Variants in ARMC8 observed in about 807,000 individuals in gnomAD.
ARMC8 encodes the protein armadillo repeat containing 8.
ARMC8 carries 20 observed loss-of-function variants against 99.3 expected under a neutral mutation model. The observed-to-expected ratio is 0.20, with a 90% confidence interval of 0.14 to 0.29. The LOEUF is 0.29. Ranked by LOEUF, ARMC8 falls within the 10% of genes least tolerant of loss-of-function variation. The pLI is 1.00. For synonymous variants in ARMC8, 263 were observed against 278.3 expected, an observed-to-expected ratio of 0.95 and a Z score of 0.55; for missense variants, 569 against 809.5, an observed-to-expected ratio of 0.70 and a Z score of 3.60.
intron 16 of ARMC8, among the ~76,000 whole-genome samples, chr3:138,271,798 C>CTTTTTTTTTTT (rs776320900): frequency 2.2e-5 from 3 of 136,136 alleles, no homozygotes; most frequent in African/African-American, 8.5e-5. Context: ...TTTTTTCTTT[C>CTTTTTTTTTTT]TTTTTTTTTT....
At position 138,266,489 on chromosome 3, in the gene ARMC8, A is replaced by G. The variant is rs151283545; in HGVS notation, c.1300-666A>G. Among the ~76,000 whole-genome samples, 5 of 152,262 alleles carry G rather than the reference A, an allele frequency of 3.3e-5. No homozygotes were observed. In the East Asian group the frequency reaches 7.7e-4, roughly 24 times the overall value. ...GTTGTTGAGCCCAAATTTGTATCCA[A>G]GTAGTCTTATGTTTTTCATTTCCCT... On this transcript the variant is annotated intron_variant, in intron 14 of 21. Transcript: ENST00000469044.
chr3:138,188,378 G>GT (rs372071706), intron 1 of ARMC8: 169,614 of 953,886 alleles, frequency 0.18, no homozygotes, highest in Non-Finnish European at 0.19. Context: ...AGTAAAACCT[G>GT]TTTTTTTTTT....
chr3:138,211,849 T>C (rs866740010), intron 2 of ARMC8, among the ~76,000 whole-genome samples: 2 of 152,132 alleles, frequency 1.3e-5, no homozygotes, highest in Non-Finnish European at 2.9e-5. Context: ...GTCTGATACG[T>C]TGTGGATCAG....
intron 19 of ARMC8, among the ~76,000 whole-genome samples, chr3:138,288,781 G>A (rs1391493353): frequency 5.3e-5 from 8 of 151,618 alleles, no homozygotes; most frequent in Non-Finnish European, 1.2e-4. Flanking sequence ...GAGATTACAG[G>A]CGCCCGCCAC....
At chr3:138,198,193 CAAAA>C (rs969294840) in intron 1 of ARMC8, among the ~76,000 whole-genome samples, 3 of 145,866 alleles carry the variant, frequency 2.1e-5, no homozygotes, top group African/African-American at 7.5e-5. Flanking sequence ...GCCAAACAAA[CAAAA>C]AAAAAACTCC....
chr3:138,243,626 C>T (rs538923676), intron 11 of ARMC8, among the ~76,000 whole-genome samples: 1 of 152,194 alleles, frequency 6.6e-6, no homozygotes, highest in East Asian at 1.9e-4. Flanking sequence ...CCTTCAGAGC[C>T]ACCCCAAATT....
intron 1 of ARMC8, chr3:138,187,822 C>T: frequency 1.8e-6 from 1 of 564,866 alleles, no homozygotes; most frequent in Non-Finnish European, 3.1e-6. Context: ...CCCGCCGGTG[C>T]GGGTTCCCAG....
Position 138,256,402 on chromosome 3 carries a change from C to CTTTTTT in ARMC8, c.1135-7317_1135-7312dup, listed in dbSNP as rs71146121. ...TAAAGTATATCTTTTTTTCCTCCTT[C>CTTTTTT]TTTTTTTTTTTTTTTTTTTTTTTTT... is the stretch of plus-strand genomic sequence containing the variant. On this transcript the variant is annotated intron_variant, in intron 12 of 21. Coordinates refer to ENST00000469044, the MANE Select transcript of ARMC8 (RefSeq NM_001363941.2). Among the ~76,000 whole-genome samples, 357 of 90,264 alleles carry CTTTTTT rather than the reference C, an allele frequency of 4.0e-3. 4 individuals carry two copies. Among genetic ancestry groups the CTTTTTT allele is most frequent in the African/African-American group, 0.012 (267 of 22,056 alleles). 59.2% of individuals were successfully genotyped at this position (90,264 alleles called of 152,430 possible). A position where few individuals can be genotyped will look rare whatever the true frequency, so the allele number is the denominator to read the frequency against.
rs572789459 is a variant in ARMC8, at chr3:138,254,500, A to G, written c.1135-9239A>G. ...ATCGTTCATGTGCCCAGGATGGCAA[A>G]CAGGAGGAGACAGATGGAAGTCTCA... On this transcript the variant is annotated intron_variant, in intron 12 of 21. Transcript: ENST00000469044. Among the ~76,000 whole-genome samples, 3 of 152,342 alleles carry G rather than the reference A, an allele frequency of 2.0e-5. No homozygotes were observed. In the East Asian group the frequency reaches 5.8e-4, roughly 29 times the overall value.
At chr3:138,203,006 GGGT>G (rs2044165347) in intron 1 of ARMC8, among the ~76,000 whole-genome samples, 1 of 152,100 alleles carries the variant, frequency 6.6e-6, no homozygotes, top group African/African-American at 2.4e-5. Context: ...CCATAGTCAT[GGGT>G]AGTTTATTCA....
intron 2 of ARMC8, among the ~76,000 whole-genome samples, chr3:138,220,050 A>G (rs1339046923): frequency 2.6e-5 from 4 of 152,214 alleles, no homozygotes; most frequent in Non-Finnish European, 5.9e-5. Context: ...ACAGACTCTA[A>G]GTAGGTAGGG....
At chr3:138,247,982 T>C (rs1486938685) in intron 12 of ARMC8, among the ~76,000 whole-genome samples, 1 of 152,260 alleles carries the variant, frequency 6.6e-6, no homozygotes, top group Non-Finnish European at 1.5e-5. Flanking sequence ...TTAATTTGTT[T>C]GGACCTTTAT....
At chr3:138,273,177 GCT>G in intron 17 of ARMC8, 61 bp downstream of exon 17, 1 of 1,495,158 alleles carries the variant, frequency 6.7e-7, no homozygotes, top group Non-Finnish European at 9.1e-7. Context: ...GCAAGACATT[GCT>G]CTCTCTCTGT....
Position 138,264,190 on chromosome 3 carries a change from C to G in ARMC8, c.1277C>G (p.Ala426Gly). The change falls in exon 14 of 22, where the codon GCT becomes GGT. Residue 426 changes from alanine to glycine, a missense_variant. By Grantham distance (60) the Ala-to-Gly change is moderately conservative (BLOSUM62 0). Coordinates refer to ENST00000469044, the MANE Select transcript of ARMC8 (RefSeq NM_001363941.2). ...CTTCGAACCAGTTTCCAGGATCATGCTGTTTGGAAACCTTTAATGAAGGTA... is the reference window on the plus strand; with the variant it reads ...CTTCGAACCAGTTTCCAGGATCATGGTGTTTGGAAACCTTTAATGAAGGTA... ...QQLRTSFQDH[A>G]VWKPLMKVLQ... The G allele has an allele frequency of 6.2e-7, 1 of 1,613,842 alleles. No individual in the cohort carries two copies. Among genetic ancestry groups the G allele is most frequent in the Non-Finnish European group, 8.5e-7 (1 of 1,179,800 alleles).
chr3:138,270,369 T>C (rs1349678413), intron 16 of ARMC8, among the ~76,000 whole-genome samples: 1 of 152,218 alleles, frequency 6.6e-6, no homozygotes, highest in African/African-American at 2.4e-5. Flanking sequence ...TGAACAGATG[T>C]TGAAACTTAG....
intron 16 of ARMC8, among the ~76,000 whole-genome samples, chr3:138,270,686 C>G (rs940583549): frequency 6.6e-6 from 1 of 151,982 alleles, no homozygotes; most frequent in African/African-American, 2.4e-5. Flanking sequence ...ACATATTTAA[C>G]CATTTTTTGC....
Position 138,201,326 on chromosome 3 carries a change from A to G in ARMC8, c.46-8491A>G, listed in dbSNP as rs550695934. On this transcript the variant is annotated intron_variant, in intron 1 of 21. Transcript: ENST00000469044. ...CATTGTTTTGTGTTCTCAACTGTAT[A>G]CTATATCATCGTAATACTAAATTAC... Among the ~76,000 whole-genome samples, 56 of 148,710 alleles carry G rather than the reference A, an allele frequency of 3.8e-4. No individual in the cohort carries two copies. In the South Asian group the frequency reaches 0.011, roughly 30 times the overall value.
chr3:138,190,012 T>C (rs1399689336), intron 1 of ARMC8, among the ~76,000 whole-genome samples: 3 of 152,196 alleles, frequency 2.0e-5, no homozygotes, highest in African/African-American at 7.2e-5. Context: ...GTTGCTTCTT[T>C]ATTCTTAGTG....
At chr3:138,208,102 G>T (rs73227558) in intron 1 of ARMC8, among the ~76,000 whole-genome samples, 1,413 of 96,612 alleles carry the variant, frequency 0.015, 18 homozygotes, top group African/African-American at 0.037. Context: ...TTTTTTTTTT[G>T]TTGTTGTTGT....
Sources: allele counts gnomAD v4.1 joint callset (sites outside exome capture counted in the v4.1 genomes callset), GRCh38; gene constraint gnomAD v4.1.1; transcripts MANE v1.5; gene names NCBI Gene and HGNC (gene_info 2026-07-23, HGNC 2026-07-21).